CALN1: variants seen among roughly 807,000 people sequenced by gnomAD.
CALN1 encodes the protein calcium-binding protein 8.
CALN1 carries 17 observed loss-of-function variants against 30.6 expected under a neutral mutation model. The ratio of observed to expected loss-of-function variants is 0.56; its 90% confidence interval spans 0.38 to 0.83. The LOEUF (loss-of-function observed/expected upper bound fraction) is 0.83. CALN1 is among the 40% of genes least tolerant of loss of function. The pLI is 0.00. For synonymous variants in CALN1, 156 were observed against 131.4 expected (o/e 1.19, Z -1.28); for missense variants, 291 against 354.9 (o/e 0.82, Z 1.45).
intron 6 of CALN1, 58 bp from the exon 7 acceptor site, chr7:71,787,960 G>T: frequency 6.2e-7 from 1 of 1,609,360 alleles, no homozygotes; most frequent in Non-Finnish European, 8.5e-7. Flanking sequence ...GAAGAGAGAA[G>T]AGAGAAATAA....
chr7:71,997,193 A>G (rs1047316971), intron 5 of CALN1, among the ~76,000 whole-genome samples: 39 of 152,258 alleles, frequency 2.6e-4, no homozygotes, highest in African/African-American at 8.4e-4. Flanking sequence ...TGACTGCACC[A>G]CTGCTCTCCA....
intron 5 of CALN1, among the ~76,000 whole-genome samples, chr7:71,820,485 G>T (rs999404308): frequency 6.6e-6 from 1 of 152,192 alleles, no homozygotes; most frequent in Non-Finnish European, 1.5e-5. Flanking sequence ...TTCACGTATT[G>T]TTTAGAGCCT....
At chr7:72,296,736 A>G (rs1006511828) in intron 2 of CALN1, among the ~76,000 whole-genome samples, 2 of 148,878 alleles carry the variant, frequency 1.3e-5, no homozygotes, top group Non-Finnish European at 3.0e-5. Flanking sequence ...TATTGTGTCT[A>G]TTTGATTCTT....
chr7:71,963,245 C>T (rs983635856), intron 5 of CALN1, among the ~76,000 whole-genome samples: 15 of 152,158 alleles, frequency 9.9e-5, no homozygotes, highest in African/African-American at 3.6e-4. Context: ...TCACTGCAAC[C>T]TCCGACTCCC....
intron 2 of CALN1, among the ~76,000 whole-genome samples, chr7:72,340,026 A>AC (rs1488407203): frequency 2.0e-5 from 3 of 152,040 alleles, no homozygotes; most frequent in Admixed American, 2.0e-4. Context: ...AGAAACCTGG[A>AC]CCCCCATTAA....
chr7:71,869,213 C>CTT, intron 5 of CALN1, among the ~76,000 whole-genome samples: 1 of 144,594 alleles, frequency 6.9e-6, no homozygotes, highest in Non-Finnish European at 1.5e-5. Context: ...GGAAAAAACA[C>CTT]TTTTTTTTTT....
At chr7:72,314,426 CAT>C (rs1562875699) in intron 2 of CALN1, among the ~76,000 whole-genome samples, 1 of 118,580 alleles carries the variant, frequency 8.4e-6, no homozygotes. Context: ...TACACACATA[CAT>C]AGATTTTTTT....
chr7:72,032,211 A>G (rs1801499058), intron 4 of CALN1, among the ~76,000 whole-genome samples: 2 of 150,858 alleles, frequency 1.3e-5, no homozygotes, highest in Admixed American at 1.3e-4. Flanking sequence ...GGCGCCCACC[A>G]CTGCGCCCAG....
At chr7:71,882,942 T>C (rs1202739467) in intron 5 of CALN1, among the ~76,000 whole-genome samples, 2 of 151,610 alleles carry the variant, frequency 1.3e-5, no homozygotes, top group African/African-American at 4.8e-5. Context: ...CTCAAACTAC[T>C]GGCTTCAAGC....
At chr7:71,868,069 C>G (rs1252179557) in intron 5 of CALN1, among the ~76,000 whole-genome samples, 1 of 151,840 alleles carries the variant, frequency 6.6e-6, no homozygotes, top group Non-Finnish European at 1.5e-5. Context: ...TTATTTTTTG[C>G]TTTATTTCTG....
chr7:72,027,135 C>T (rs1286770223), intron 4 of CALN1, among the ~76,000 whole-genome samples: 4 of 152,088 alleles, frequency 2.6e-5, no homozygotes, highest in South Asian at 2.1e-4. Flanking sequence ...GGCTACAGTA[C>T]ATAATACACA....
intron 3 of CALN1, among the ~76,000 whole-genome samples, chr7:72,260,828 G>GCATAGGGGTAC (rs1261305271): frequency 2.6e-5 from 4 of 151,980 alleles, no homozygotes; most frequent in African/African-American, 9.7e-5. Flanking sequence ...TCTCCAAAGT[G>GCATAGGGGTAC]CCCTACAAAT....
intron 5 of CALN1, among the ~76,000 whole-genome samples, chr7:71,969,870 G>A (rs1797711592): frequency 6.6e-6 from 1 of 151,496 alleles, no homozygotes; most frequent in Non-Finnish European, 1.5e-5. Flanking sequence ...TGTCACCCAG[G>A]CTGGAGTGCA....
At chr7:72,485,094 A>C in the CALN1 span, among the ~76,000 whole-genome samples, 7 of 152,254 alleles carry the variant, frequency 4.6e-5, no homozygotes, top group Admixed American at 6.5e-5. Context: ...TACAAAAAAA[A>C]ATTTTTTTTA....
chr7:72,021,962 C>T (rs1015254145), intron 5 of CALN1, among the ~76,000 whole-genome samples: 9 of 152,178 alleles, frequency 5.9e-5, no homozygotes, highest in Non-Finnish European at 1.0e-4. Context: ...TCAGCCTCAC[C>T]TCTTCTGTTT....
intron 4 of CALN1, 29 bp downstream of exon 4, chr7:72,106,122 A>C: frequency 6.2e-7 from 1 of 1,609,424 alleles, no homozygotes; most frequent in Non-Finnish European, 8.5e-7. Context: ...GGCATGTCTC[A>C]GGGGAGAAGC....
rs149409757 is a variant in CALN1 at position 72,215,874 on chromosome 7, G to A, written c.244+62812C>T. Among the ~76,000 whole-genome samples the A allele has an allele frequency of 1.1e-4, 17 of 152,164 alleles. No homozygotes were observed. The East Asian group carries it at 2.1e-3, about 19-fold the overall frequency. On this transcript the variant is annotated intron_variant, in intron 3 of 6. Coordinates refer to ENST00000395275, the MANE Select transcript of CALN1 (RefSeq NM_031468.4). The stretch of plus-strand genomic sequence containing the variant: ...TGGGCTGGCCATGGGACTTGGTCCC[G>A]GCCACTTCTACCCAACACAGGATTC...
At chr7:71,863,557 C>CAAAAAAAAAAAAAAAA (rs71531769) in intron 5 of CALN1, among the ~76,000 whole-genome samples, 1 of 32,212 alleles carries the variant, frequency 3.1e-5, no homozygotes, top group African/African-American at 6.7e-5. Flanking sequence ...AACTCCATCT[C>CAAAAAAAAAAAAAAAA]AAAAAAAAAA....
intron 2 of CALN1, among the ~76,000 whole-genome samples, chr7:72,345,061 A>C (rs980947038): frequency 1.3e-5 from 2 of 148,294 alleles, no homozygotes; most frequent in African/African-American, 4.9e-5. Flanking sequence ...ATGTACTGTT[A>C]TATTCATGCA....
Sources: allele counts gnomAD v4.1 joint callset (sites outside exome capture counted in the v4.1 genomes callset), GRCh38; gene constraint gnomAD v4.1.1; transcripts MANE v1.5; gene names NCBI Gene and HGNC (gene_info 2026-07-23, HGNC 2026-07-21).